Variants in ARHGAP22 observed in about 807,000 individuals in gnomAD.
The protein encoded by ARHGAP22 is rho GTPase-activating protein 22.
A neutral mutation model predicts 59.1 loss-of-function variants in ARHGAP22; 48 were observed. The observed-to-expected ratio is 0.81, with a 90% CI of 0.64 to 1.03. ARHGAP22 has a LOEUF of 1.03. ARHGAP22 is among the 50% of genes least tolerant of loss of function. The pLI is 0.00. For missense variants in ARHGAP22, 1,015 were observed against 958.7 expected, an observed-to-expected ratio of 1.06 and a Z score of -0.78; for synonymous variants, 445 against 416.4, an observed-to-expected ratio of 1.07 and a Z score of -0.84.
chr10:48,465,331 C>T (rs2047544012), intron 4 of ARHGAP22, among the ~76,000 whole-genome samples: 1 of 152,212 alleles, frequency 6.6e-6, no homozygotes, highest in African/African-American at 2.4e-5. Flanking sequence ...CTGGCAAAGC[C>T]GTCCCTCACT....
At position 48,583,097 on chromosome 10, in the gene ARHGAP22, C is replaced by T. The variant is rs190004521; in HGVS notation, c.90G>A (p.Pro30=). ...GEQSRSPGRM[P]CPHRLGPVLK... ...GCACGGGGCCCAGCCTGTGAGGGCA[C>T]GGCATCCGCCCAGGGCTCCGGCTCT... is the stretch of plus-strand genomic sequence containing the variant. The change falls in exon 2 of 10, where the codon CCG becomes CCA. Residue 30 remains proline, a synonymous_variant. Transcript: ENST00000249601. The T allele has an allele frequency of 4.2e-5, 68 of 1,614,274 alleles. No individual in the cohort carries two copies. Among genetic ancestry groups the T allele is most frequent in the Middle Eastern group, 3.3e-4 (2 of 6,062 alleles).
At chr10:48,457,782 G>C (rs1686150128) in intron 5 of ARHGAP22, among the ~76,000 whole-genome samples, 1 of 152,172 alleles carries the variant, frequency 6.6e-6, no homozygotes, top group South Asian at 2.1e-4. Context: ...GAGATGAGCA[G>C]GAAAGTGAGG....
intron 1 of ARHGAP22, among the ~76,000 whole-genome samples, chr10:48,613,618 TTAGAG>T (rs1239343911): frequency 6.6e-6 from 1 of 151,642 alleles, no homozygotes; most frequent in African/African-American, 2.4e-5. Context: ...ACTATATTGT[TTAGAG>T]GAGAGTTTTG....
chr10:48,471,069 A>G (rs990829575), intron 4 of ARHGAP22, among the ~76,000 whole-genome samples: 1 of 152,148 alleles, frequency 6.6e-6, no homozygotes, highest in South Asian at 2.1e-4. Flanking sequence ...TCCATGTCAC[A>G]TGTCCTGCCC....
intron 1 of ARHGAP22, among the ~76,000 whole-genome samples, chr10:48,589,913 G>A (rs2059647855): frequency 6.6e-6 from 1 of 152,084 alleles, no homozygotes; most frequent in South Asian, 2.1e-4. Flanking sequence ...GGAAAATCCA[G>A]CCCCAGCCTG....
At chr10:48,448,094 C>T (rs2045543100) in intron 9 of ARHGAP22, among the ~76,000 whole-genome samples, 1 of 152,250 alleles carries the variant, frequency 6.6e-6, no homozygotes, top group Non-Finnish European at 1.5e-5. Flanking sequence ...CAAGACCCTC[C>T]AGCGGCTTCT....
chr10:48,642,511 G>C (rs2062094638), intron 1 of ARHGAP22, among the ~76,000 whole-genome samples: 1 of 152,180 alleles, frequency 6.6e-6, no homozygotes, highest in Non-Finnish European at 1.5e-5. Flanking sequence ...TTAATAAATG[G>C]TGCTGGGAAA....
chr10:48,566,016 G>A (rs1302055836), intron 2 of ARHGAP22, among the ~76,000 whole-genome samples: 2 of 152,308 alleles, frequency 1.3e-5, no homozygotes, highest in East Asian at 3.9e-4. Flanking sequence ...CTATTGGCCA[G>A]CCTTTGGAGT....
chr10:48,541,862 A>T (rs1398903097), intron 3 of ARHGAP22, among the ~76,000 whole-genome samples: 1 of 152,214 alleles, frequency 6.6e-6, no homozygotes, highest in Non-Finnish European at 1.5e-5. Flanking sequence ...CCACCCTCCA[A>T]GGGTGACATT....
chr10:48,541,220 C>G (rs1338387143), intron 3 of ARHGAP22, among the ~76,000 whole-genome samples: 3 of 152,122 alleles, frequency 2.0e-5, no homozygotes, highest in African/African-American at 7.2e-5. Context: ...TTTGGTTTCT[C>G]AGAGGTGACC....
intron 3 of ARHGAP22, among the ~76,000 whole-genome samples, chr10:48,501,385 C>T (rs1055144972): frequency 7.2e-5 from 11 of 152,190 alleles, no homozygotes; most frequent in African/African-American, 2.7e-4. Flanking sequence ...CCACGTGTTC[C>T]AGGTGTGTGG....
At chr10:48,559,269 G>C (rs2057527499) in intron 2 of ARHGAP22, among the ~76,000 whole-genome samples, 1 of 152,204 alleles carries the variant, frequency 6.6e-6, no homozygotes. Context: ...GCAAACTCCA[G>C]GCACATGATA....
chr10:48,645,830 A>G (rs2062270369), intron 1 of ARHGAP22, among the ~76,000 whole-genome samples: 1 of 152,186 alleles, frequency 6.6e-6, no homozygotes, highest in Non-Finnish European at 1.5e-5. Flanking sequence ...CAAAGGGAAA[A>G]AAGAGGGTCG....
At chr10:48,457,123 G>C (rs961921057) in intron 5 of ARHGAP22, among the ~76,000 whole-genome samples, 3 of 152,122 alleles carry the variant, frequency 2.0e-5, no homozygotes, top group Non-Finnish European at 4.4e-5. Flanking sequence ...CCGCAGCAAG[G>C]TGACCCTCCA....
At chr10:48,459,245 C>T (rs1187606477) in intron 5 of ARHGAP22, among the ~76,000 whole-genome samples, 1 of 152,188 alleles carries the variant, frequency 6.6e-6, no homozygotes, top group African/African-American at 2.4e-5. Context: ...TCTCCTGTCC[C>T]CAGAACCCAA....
intron 1 of ARHGAP22, among the ~76,000 whole-genome samples, chr10:48,625,555 G>A (rs1180020818): frequency 6.6e-6 from 1 of 152,190 alleles, no homozygotes; most frequent in African/African-American, 2.4e-5. Flanking sequence ...GAAGAGCCAT[G>A]CCTTCCAGTG....
rs75240119 is a variant in ARHGAP22, at chr10:48,539,999, A to T, written c.322+15464T>A. ...GCCATTTTTCAAATAAGGAGCCTGA[A>T]GTTTACAGGGTTCTGTGACTCGCTC... On this transcript the variant is annotated intron_variant, in intron 3 of 9. Coordinates refer to ENST00000249601, the MANE Select transcript of ARHGAP22 (RefSeq NM_021226.4). Among the ~76,000 whole-genome samples, 368 of 152,292 alleles carry T rather than the reference A, an allele frequency of 2.4e-3. 5 individuals are homozygous for T. In the East Asian group the frequency reaches 0.037, roughly 15 times the overall value.
intron 1 of ARHGAP22, among the ~76,000 whole-genome samples, chr10:48,648,245 A>G (rs912692336): frequency 6.6e-6 from 1 of 152,230 alleles, no homozygotes; most frequent in Non-Finnish European, 1.5e-5. Context: ...AACCAATGCC[A>G]TGAAGAAAAA....
intron 2 of ARHGAP22, among the ~76,000 whole-genome samples, chr10:48,582,325 TGCTTC>T (rs2059166827): frequency 6.6e-6 from 1 of 152,232 alleles, no homozygotes; most frequent in Admixed American, 6.5e-5. Context: ...ATTGCCCAAG[TGCTTC>T]TGGCCCAGGT....
Sources: gnomAD v4.1 joint callset for allele counts (sites outside exome capture counted in the v4.1 genomes callset) on GRCh38, gnomAD v4.1.1 for gene constraint, MANE v1.5 for transcripts, NCBI Gene and HGNC (gene_info 2026-07-23, HGNC 2026-07-21) for gene names.